EIF2S3B: variants seen among roughly 807,000 people sequenced by gnomAD.
EIF2S3B encodes eukaryotic translation initiation factor 2 subunit gamma B.
EIF2S3B carries 16 observed loss-of-function variants against 26.4 expected under a neutral mutation model. The ratio of observed to expected loss-of-function variants is 0.61; its 90% CI spans 0.41 to 0.92. EIF2S3B has a LOEUF of 0.92. EIF2S3B is among the 40% of genes least tolerant of loss of function. The pLI, the probability that EIF2S3B is intolerant of heterozygous loss-of-function variation, is 0.00. For missense variants in EIF2S3B, 510 were observed against 575.5 expected (o/e 0.89, Z 1.16); for synonymous variants, 183 against 204.4 (o/e 0.90, Z 0.89).
Position 10,506,129 on chromosome 12 carries a change from A to G in EIF2S3B, c.227A>G (p.Asn76Ser), listed in dbSNP as rs1245209751. ...AGGTTCAAAAATGAACTAGAAAGAA[A>G]TATTACAATCAAGCTTGGATATGCT... ...TVRFKNELER[N>S]ITIKLGYANA... The change falls in exon 1 of 1, where the codon AAT becomes AGT. Residue 76 changes from asparagine to serine, a missense_variant. Physicochemically the swap from Asn to Ser is conservative, Grantham distance 46 (BLOSUM62 1). Coordinates refer to ENST00000538173, the MANE Select transcript of EIF2S3B (RefSeq NM_001357734.3). 1 of 1,585,152 alleles carries G rather than the reference A, an allele frequency of 6.3e-7. No homozygotes were observed. The highest frequency in any genetic ancestry group is 8.7e-7 in the Non-Finnish European group (1 of 1,153,534).
Position 10,507,937 on chromosome 12 carries a change from G to C in EIF2S3B, c.*616G>C, listed in dbSNP as rs921760479. The stretch of plus-strand genomic sequence containing the variant: ...TTTGCCACAACCAGCCTTTGCTGTA[G>C]CACACACATATATCACTGAAACTGT... On this transcript the variant is annotated 3_prime_UTR_variant, in exon 1 of 1. Coordinates refer to ENST00000538173, the MANE Select transcript of EIF2S3B (RefSeq NM_001357734.3). Among the ~76,000 whole-genome samples the C allele has an allele frequency of 2.6e-5, 4 of 152,112 alleles. No individual in the cohort carries two copies. Among genetic ancestry groups the C allele is most frequent in the Admixed American group, 2.0e-4 (3 of 15,274 alleles).
Position 10,506,783 on chromosome 12 carries a change from C to T in EIF2S3B, c.881C>T (p.Thr294Ile), listed in dbSNP as rs781272836. 97 of 1,613,576 alleles carry T rather than the reference C, an allele frequency of 6.0e-5. No individual in the cohort carries two copies. In the Admixed American group the frequency reaches 7.5e-4, roughly 12 times the overall value. ...GGAGTATTAAAGGTGGGCCAGGAGA[C>T]AGAAGTAAGACCTGGTATTGTTTCC... is the stretch of plus-strand genomic sequence containing the variant. ...LKGVLKVGQE[T>I]EVRPGIVSKD... Residue 294 changes from threonine to isoleucine, a missense_variant, in exon 1 of 1, where the codon ACA becomes ATA. Coordinates refer to ENST00000538173, the MANE Select transcript of EIF2S3B (RefSeq NM_001357734.3).
rs778164973 is a variant in EIF2S3B at position 10,507,316 on chromosome 12, G to A, written c.1414G>A (p.Asp472Asn). Residue 472 changes from aspartate (D) to asparagine (N), a missense_variant, in exon 1 of 1, where the codon GAC (aspartate) becomes AAC (asparagine). Asp to Asn is a conservative substitution (Grantham distance 23). Transcript: ENST00000538173. Reference protein sequence around the residue: ...GVTIKPTVDDD With the variant: ...GVTIKPTVDDN The stretch of plus-strand genomic sequence containing the variant: ...GACAATCAAGCCAACAGTAGATGAT[G>A]ACTGAAGAATACCGGTTAAATAATA... The A allele has an allele frequency of 1.3e-5, 21 of 1,612,956 alleles. No individual in the cohort carries two copies. The highest frequency in any genetic ancestry group is 8.3e-5 in the Admixed American group (5 of 59,998).
At chr12:10,512,855 C>T (rs1231238388), downstream of EIF2S3B, among the ~76,000 whole-genome samples, 1 of 152,118 alleles carries the variant, frequency 6.6e-6, no homozygotes. Context: ...ATTTCTTTTT[C>T]CTGCTCTTTA....
At chr12:10,520,378 G>C (rs1864817883) in intron 1 of EIF2S3B, among the ~76,000 whole-genome samples, 1 of 134,916 alleles carries the variant, frequency 7.4e-6, no homozygotes, top group Non-Finnish European at 1.6e-5. Flanking sequence ...GGGGAGGGTG[G>C]AGGGATAGCA....
chr12:10,518,557 T>C (rs2137954872), intron 1 of EIF2S3B, among the ~76,000 whole-genome samples: 1 of 152,274 alleles, frequency 6.6e-6, no homozygotes, highest in South Asian at 2.1e-4. Flanking sequence ...TTTATCCAAT[T>C]TGCCAGTCTG....
At chr12:10,517,206 C>T (rs1864766453) in intron 1 of EIF2S3B, among the ~76,000 whole-genome samples, 1 of 152,106 alleles carries the variant, frequency 6.6e-6, no homozygotes, top group Non-Finnish European at 1.5e-5. Context: ...CTCCTTGTAT[C>T]TCTGGTAGAA....
intron 1 of EIF2S3B, among the ~76,000 whole-genome samples, chr12:10,513,543 T>C (rs566959350): frequency 6.6e-6 from 1 of 152,340 alleles, no homozygotes; most frequent in South Asian, 2.1e-4. Context: ...TTCGAGATGT[T>C]TCAAATTGTT....
intron 1 of EIF2S3B, among the ~76,000 whole-genome samples, chr12:10,518,305 A>G (rs1864788151): frequency 6.6e-6 from 1 of 152,112 alleles, no homozygotes; most frequent in Non-Finnish European, 1.5e-5. Context: ...TATTGGGTGC[A>G]TATATATTTA....
chr12:10,506,535 C>G lies in EIF2S3B; in HGVS notation c.633C>G (p.Val211=). Residue 211 remains valine (V), a synonymous_variant, in exon 1 of 1, where the codon GTC becomes GTG. Transcript: ENST00000538173. ...AATACGAGCAGATCCTTGCGTTTGT[C>G]CAAGGTACAGTAGCAGAGGGAGCTC... ...KEQYEQILAF[V]QGTVAEGAPI... The G allele has an allele frequency of 6.3e-7, 1 of 1,592,436 alleles. No individual in the cohort carries two copies. Among genetic ancestry groups the G allele is most frequent in the South Asian group, 1.1e-5 (1 of 90,598 alleles).
At chr12:10,518,207 G>A (rs1039936368) in intron 1 of EIF2S3B, among the ~76,000 whole-genome samples, 1 of 152,136 alleles carries the variant, frequency 6.6e-6, no homozygotes, top group Admixed American at 6.6e-5. Flanking sequence ...TGTTGACAGT[G>A]GGGTGTTAAG....
downstream of EIF2S3B, among the ~76,000 whole-genome samples, chr12:10,511,244 G>A (rs1864702067): frequency 6.6e-6 from 1 of 151,678 alleles, no homozygotes; most frequent in Non-Finnish European, 1.5e-5. Flanking sequence ...ACATTTAAAG[G>A]AGCTCTGCAA....
At chr12:10,516,133 A>G (rs1864755364) in intron 1 of EIF2S3B, among the ~76,000 whole-genome samples, 1 of 152,056 alleles carries the variant, frequency 6.6e-6, no homozygotes, top group African/African-American at 2.4e-5. Context: ...ATAAACAAAA[A>G]CTAAATGATA....
intron 1 of EIF2S3B, among the ~76,000 whole-genome samples, chr12:10,518,632 CCTT>C (rs1864793367): frequency 6.6e-6 from 1 of 152,050 alleles, no homozygotes; most frequent in African/African-American, 2.4e-5. Flanking sequence ...CCCAAAATCT[CCTT>C]AAGCTGATAA....
Position 10,506,185 on chromosome 12 carries a change from A to G in EIF2S3B, c.283A>G (p.Ser95Gly), listed in dbSNP as rs751019258. 1.3e-6 allele frequency: 2 copies of G among 1,575,798 alleles called. No homozygotes were observed. Among genetic ancestry groups the G allele is most frequent in the African/African-American group, 2.7e-5 (2 of 74,140 alleles). Residue 95 changes from serine (S) to glycine (G), a missense_variant, in exon 1 of 1, where the codon AGT becomes GGT. Transcript: ENST00000538173. ...TAAGATTTATCAACTTGATGACCCA[A>G]GTTGCCCTCGGCCAGAATGTTATCG... is the stretch of plus-strand genomic sequence containing the variant. ...NAKIYQLDDP[S>G]CPRPECYRSC...
intron 1 of EIF2S3B, among the ~76,000 whole-genome samples, chr12:10,515,038 C>A (rs1424841429): frequency 2.0e-5 from 3 of 152,044 alleles, no homozygotes; most frequent in Non-Finnish European, 4.4e-5. Flanking sequence ...AGCTTCATAC[C>A]TGTCCAAATC....
At chr12:10,518,309 A>G (rs1864788236) in intron 1 of EIF2S3B, among the ~76,000 whole-genome samples, 2 of 152,154 alleles carry the variant, frequency 1.3e-5, no homozygotes, top group African/African-American at 4.8e-5. Flanking sequence ...GGGTGCATAT[A>G]TATTTAGGAT....
rs1864650267 is a variant in EIF2S3B at position 10,507,427 on chromosome 12, G to C, written c.*106G>C. On this transcript the variant is annotated 3_prime_UTR_variant, in exon 1 of 1. Coordinates refer to ENST00000538173, the MANE Select transcript of EIF2S3B (RefSeq NM_001357734.3). ...GCGATATTGGGGAATTGATTTCACA[G>C]TTTGTTACCTTAGTAGGTAACGGTA... is the stretch of plus-strand genomic sequence containing the variant. The C allele has an allele frequency of 3.0e-6, 4 of 1,343,608 alleles. No individual in the cohort carries two copies. Among genetic ancestry groups the C allele is most frequent in the South Asian group, 1.2e-5 (1 of 81,068 alleles). 83.2% of individuals were successfully genotyped at this position (1,343,608 alleles called of 1,614,324 possible).
At position 10,508,517 on chromosome 12, in the gene EIF2S3B, T is replaced by C. The variant is rs1453861874; in HGVS notation, c.*1196T>C. Among the ~76,000 whole-genome samples, 2 of 114,654 alleles carry C rather than the reference T, an allele frequency of 1.7e-5. No homozygotes were observed. Among genetic ancestry groups the C allele is most frequent in the Non-Finnish European group, 1.8e-5 (1 of 56,712 alleles). 75.2% of individuals were successfully genotyped at this position (114,654 alleles called of 152,430 possible). ...TCAAAAGGTCAATAAGTAAAAGATG[T>C]TAGAAAGCAAAAAAAAAAAAAAAAA... On this transcript the variant is annotated 3_prime_UTR_variant, in exon 1 of 1. Transcript: ENST00000538173.
Sources: gnomAD v4.1 joint callset for allele counts (sites outside exome capture counted in the v4.1 genomes callset) on GRCh38, gnomAD v4.1.1 for gene constraint, MANE v1.5 for transcripts, NCBI Gene and HGNC (gene_info 2026-07-23, HGNC 2026-07-21) for gene names.